COL21A1: variants seen among roughly 807,000 people sequenced by gnomAD.
The protein encoded by COL21A1 is collagen type XXI alpha 1 chain, also known as collagen alpha-1(XXI) chain.
In COL21A1, 149 loss-of-function variants were observed where a neutral mutation model predicts 137.9. The observed-to-expected ratio is 1.08, with a 90% CI of 0.95 to 1.24. The LOEUF is 1.24. Ranked by LOEUF, COL21A1 falls within the 50% of genes most tolerant of loss-of-function variation. The pLI is 0.00. For missense variants in COL21A1, 1,167 were observed against 1,158.4 expected (o/e 1.01, Z -0.11); for synonymous variants, 456 against 391.5 (o/e 1.16, Z -1.95).
chr6:56,275,993 T>C (rs193284549), intron 1 of COL21A1, among the ~76,000 whole-genome samples: 11 of 152,300 alleles, frequency 7.2e-5, no homozygotes, highest in African/African-American at 2.6e-4. Flanking sequence ...AACAGTGAAT[T>C]GGATGAATCA....
chr6:56,336,950 T>C (rs1765340993), intron 1 of COL21A1, among the ~76,000 whole-genome samples: 1 of 152,212 alleles, frequency 6.6e-6, no homozygotes, highest in Non-Finnish European at 1.5e-5. Context: ...TTTGACTAAG[T>C]AAATACTCTC....
upstream of COL21A1, among the ~76,000 whole-genome samples, chr6:56,251,662 C>T (rs150073678): frequency 1.7e-4 from 26 of 152,196 alleles, no homozygotes; most frequent in African/African-American, 6.0e-4. Context: ...AGGACTAGCC[C>T]CTGTCCTCCC....
Position 56,141,978 on chromosome 6 carries a change from A to G in COL21A1, c.1440T>C (p.Tyr480=). Residue 480 remains tyrosine, a synonymous_variant, in exon 11 of 30, where the codon TAT becomes TAC. Coordinates refer to ENST00000244728, the MANE Select transcript of COL21A1 (RefSeq NM_030820.4). The part of the protein sequence containing the change: ...GQPGQDGKPG[Y]QGIAGTPGVP... ...CACCTGGTGTCCCTGCAATTCCCTGATATCCCTAAAGAAAAATTTAAAAAG... is the reference window on the plus strand; with the variant it reads ...CACCTGGTGTCCCTGCAATTCCCTGGTATCCCTAAAGAAAAATTTAAAAAG... 1.3e-6 allele frequency: 2 copies of G among 1,526,660 alleles called. No homozygotes were observed. Among genetic ancestry groups the G allele is most frequent in the Non-Finnish European group, 1.8e-6 (2 of 1,131,474 alleles). 94.6% of individuals were successfully genotyped at this position (1,526,660 alleles called of 1,614,324 possible).
chr6:56,334,137 A>G (rs1765289919), intron 1 of COL21A1, among the ~76,000 whole-genome samples: 1 of 152,154 alleles, frequency 6.6e-6, no homozygotes, highest in Non-Finnish European at 1.5e-5. Context: ...ACTACTCAAC[A>G]GAATTTGGGT....
At chr6:56,310,185 G>A (rs1292368397) in intron 1 of COL21A1, among the ~76,000 whole-genome samples, 1 of 144,576 alleles carries the variant, frequency 6.9e-6, no homozygotes, top group East Asian at 1.9e-4. Flanking sequence ...AGAAATGGAA[G>A]ACGTAAGACA....
At chr6:56,229,524 A>G (rs1781416152) in intron 1 of COL21A1, among the ~76,000 whole-genome samples, 1 of 152,012 alleles carries the variant, frequency 6.6e-6, no homozygotes, top group African/African-American at 2.4e-5. Context: ...AAGAGGTTAG[A>G]TTATGCTGAG....
intron 10 of COL21A1, among the ~76,000 whole-genome samples, chr6:56,143,505 T>C (rs1287516395): frequency 6.6e-6 from 1 of 152,136 alleles, no homozygotes; most frequent in Non-Finnish European, 1.5e-5. Flanking sequence ...CGGCCGACTA[T>C]ACAATTTTTT....
intron 1 of COL21A1, among the ~76,000 whole-genome samples, chr6:56,290,725 C>T (rs1307604951): frequency 1.3e-5 from 2 of 152,084 alleles, no homozygotes; most frequent in African/African-American, 2.4e-5. Flanking sequence ...TGGTCTTGAT[C>T]TATTGACCTC....
intron 1 of COL21A1, among the ~76,000 whole-genome samples, chr6:56,201,323 T>G (rs1157332467): frequency 6.6e-6 from 1 of 152,214 alleles, no homozygotes; most frequent in Non-Finnish European, 1.5e-5. Flanking sequence ...ATCCCATTTG[T>G]CAATTTTGGC....
Position 56,089,216 on chromosome 6 carries a change from G to A in COL21A1, c.1813-11643C>T, listed in dbSNP as rs1768554971. 2.0e-5 allele frequency among the ~76,000 whole-genome samples: 3 copies of A among 152,098 alleles called. No individual in the cohort carries two copies. The South Asian group carries it at 6.2e-4, about 31-fold the overall frequency. ...TGAGCTCACCAAAATAGCAACAGGAGGTGGCTATGAAATTATTACAGTAAT... is the reference window on the plus strand; with the variant it reads ...TGAGCTCACCAAAATAGCAACAGGAAGTGGCTATGAAATTATTACAGTAAT... On this transcript the variant is annotated intron_variant, in intron 17 of 29. Transcript: ENST00000244728.
At position 56,168,088 on chromosome 6, in the gene COL21A1, C is replaced by T. The variant is rs574398237; in HGVS notation, c.1200+36G>A. 3.0e-6 allele frequency: 4 copies of T among 1,339,580 alleles called. No individual in the cohort carries two copies. In the South Asian group the frequency reaches 5.3e-5, roughly 18 times the overall value. 83.0% of individuals were successfully genotyped at this position (1,339,580 alleles called of 1,614,324 possible). On this transcript the variant is annotated intron_variant, in intron 6 of 29. Coordinates refer to ENST00000244728, the MANE Select transcript of COL21A1 (RefSeq NM_030820.4). ...TACAAAGGACAGCAAAAGTTTCATT[C>T]TATATAATTCAAAGAGTAAATCATT...
chr6:56,303,781 G>T (rs1202038680), intron 1 of COL21A1, among the ~76,000 whole-genome samples: 1 of 152,160 alleles, frequency 6.6e-6, no homozygotes, highest in Non-Finnish European at 1.5e-5. Flanking sequence ...GAATAGGAGT[G>T]GTGAGAGAGG....
At chr6:56,323,403 G>C in intron 1 of COL21A1, among the ~76,000 whole-genome samples, 1 of 152,036 alleles carries the variant, frequency 6.6e-6, no homozygotes, top group East Asian at 1.9e-4. Context: ...TTATTTGTTT[G>C]TTTTGAGACC....
intron 1 of COL21A1, among the ~76,000 whole-genome samples, chr6:56,252,979 A>G (rs1782886858): frequency 6.6e-6 from 1 of 152,208 alleles, no homozygotes. Flanking sequence ...CGAAGAGCCT[A>G]ATACACAATA....
intron 1 of COL21A1, among the ~76,000 whole-genome samples, chr6:56,212,490 T>C (rs1436498821): frequency 6.6e-6 from 1 of 152,080 alleles, no homozygotes; most frequent in African/African-American, 2.4e-5. Context: ...AGACTAATGA[T>C]GTATTGATAA....
At chr6:56,382,410 G>C (rs2094010152) in intron 1 of COL21A1, among the ~76,000 whole-genome samples, 1 of 152,204 alleles carries the variant, frequency 6.6e-6, no homozygotes, top group Non-Finnish European at 1.5e-5. Flanking sequence ...GTGAAGTTAT[G>C]AGATAGGTTC....
intron 1 of COL21A1, among the ~76,000 whole-genome samples, chr6:56,377,567 T>C (rs57188790): frequency 0.028 from 4,272 of 152,204 alleles, 200 homozygotes; most frequent in African/African-American, 0.095. Context: ...CCATTTTCAG[T>C]GGTGGGAACT....
intron 1 of COL21A1, among the ~76,000 whole-genome samples, chr6:56,253,911 T>C (rs1782912483): frequency 6.6e-6 from 1 of 152,228 alleles, no homozygotes; most frequent in Non-Finnish European, 1.5e-5. Flanking sequence ...CTGCAAGTCT[T>C]ACTTCGGAAA....
At chr6:56,175,591 C>T (rs1331302100) in intron 3 of COL21A1, among the ~76,000 whole-genome samples, 1 of 151,862 alleles carries the variant, frequency 6.6e-6, no homozygotes, top group Non-Finnish European at 1.5e-5. Context: ...GAATCAAAAA[C>T]TTGTACACTG....
Sources: allele counts gnomAD v4.1 joint callset (sites outside exome capture counted in the v4.1 genomes callset), GRCh38; gene constraint gnomAD v4.1.1; transcripts MANE v1.5; gene names NCBI Gene and HGNC (gene_info 2026-07-23, HGNC 2026-07-21).